The following GMDS variants were observed in gnomAD, a reference collection of about 807,000 sequenced individuals.
GMDS encodes GDP-mannose 4,6 dehydratase.
A neutral mutation model predicts 49.9 loss-of-function variants in GMDS; 20 were observed. That is an observed-to-expected ratio of 0.40 (90% CI 0.28 to 0.58). The LOEUF (loss-of-function observed/expected upper bound fraction) is 0.58. Among genes scored for constraint, GMDS ranks in the 20% least tolerant of loss-of-function variants. GMDS has a pLI of 0.42. For synonymous variants in GMDS, 177 were observed against 178.6 expected (o/e 0.99, Z 0.07); for missense variants, 362 against 481.4 (o/e 0.75, Z 2.32).
At chr6:1,846,033 G>C in intron 7 of GMDS, among the ~76,000 whole-genome samples, 1 of 150,596 alleles carries the variant, frequency 6.6e-6, no homozygotes, top group Non-Finnish European at 1.5e-5. Flanking sequence ...TGGTCTTTTT[G>C]ATAATATTAG....
chr6:2,152,609 T>G (rs545025005), intron 1 of GMDS, among the ~76,000 whole-genome samples: 7 of 152,188 alleles, frequency 4.6e-5, no homozygotes, highest in African/African-American at 1.7e-4. Context: ...CAGAAAATAT[T>G]TTTAAATATT....
At chr6:2,075,174 T>A (rs1772256161) in intron 4 of GMDS, among the ~76,000 whole-genome samples, 1 of 152,174 alleles carries the variant, frequency 6.6e-6, no homozygotes, top group South Asian at 2.1e-4. Flanking sequence ...CTGTGAGAAA[T>A]GACATTGCTA....
intron 4 of GMDS, among the ~76,000 whole-genome samples, chr6:2,098,807 A>C (rs1038076931): frequency 6.6e-6 from 1 of 152,192 alleles, no homozygotes; most frequent in African/African-American, 2.4e-5. Flanking sequence ...AATCTATGCT[A>C]GCTATAAATC....
chr6:1,790,841 G>A (rs1176019390), intron 7 of GMDS, among the ~76,000 whole-genome samples: 1 of 152,176 alleles, frequency 6.6e-6, no homozygotes, highest in Non-Finnish European at 1.5e-5. Flanking sequence ...GCTGAGTAAT[G>A]CCTCCCAAAG....
chr6:1,679,019 A>C (rs890418480), intron 9 of GMDS, among the ~76,000 whole-genome samples: 9 of 152,244 alleles, frequency 5.9e-5, no homozygotes, highest in African/African-American at 2.2e-4. Context: ...GACACTAGAC[A>C]AAACTGCTTC....
intron 1 of GMDS, among the ~76,000 whole-genome samples, chr6:2,141,497 C>T (rs1309312269): frequency 5.3e-5 from 8 of 152,218 alleles, no homozygotes; most frequent in Non-Finnish European, 1.0e-4. Flanking sequence ...CCCACCAGAA[C>T]GTATCCCAGC....
intron 1 of GMDS, among the ~76,000 whole-genome samples, chr6:2,164,593 G>C (rs899794541): frequency 3.9e-5 from 6 of 152,172 alleles, no homozygotes; most frequent in African/African-American, 1.4e-4. Flanking sequence ...GATATCCCCA[G>C]CTTCATCAGG....
At chr6:1,651,083 G>A (rs1763639841) in intron 9 of GMDS, among the ~76,000 whole-genome samples, 1 of 152,208 alleles carries the variant, frequency 6.6e-6, no homozygotes. Flanking sequence ...GGAAAATTAG[G>A]CTTGTCCTGA....
intron 7 of GMDS, among the ~76,000 whole-genome samples, chr6:1,795,572 A>T (rs1769706872): frequency 6.6e-6 from 1 of 152,132 alleles, no homozygotes; most frequent in African/African-American, 2.4e-5. Context: ...TGAATGAAAC[A>T]TTACAGATTT....
chr6:1,990,964 T>C (rs930393493), intron 4 of GMDS, among the ~76,000 whole-genome samples: 1 of 152,202 alleles, frequency 6.6e-6, no homozygotes, highest in Non-Finnish European at 1.5e-5. Context: ...CTTGTGGATG[T>C]TAATATTAGT....
At chr6:1,671,444 C>T (rs1764418659) in intron 9 of GMDS, among the ~76,000 whole-genome samples, 1 of 152,100 alleles carries the variant, frequency 6.6e-6, no homozygotes, top group Non-Finnish European at 1.5e-5. Flanking sequence ...CACCCCCACG[C>T]ACCCCACCAC....
At chr6:1,821,103 T>C (rs951710288) in intron 7 of GMDS, among the ~76,000 whole-genome samples, 4 of 152,278 alleles carry the variant, frequency 2.6e-5, no homozygotes. Context: ...CAATTATAGC[T>C]ATCCCAGAGT....
chr6:1,650,741 A>ACT (rs1554103968), intron 9 of GMDS, among the ~76,000 whole-genome samples: 4 of 150,696 alleles, frequency 2.7e-5, no homozygotes, highest in Non-Finnish European at 5.9e-5. Context: ...TGCCTGGCTA[A>ACT]TTTTTTTTTG....
Position 2,112,743 on chromosome 6 carries a change from G to A in GMDS, c.345+3028C>T, listed in dbSNP as rs374989899. 1.4e-4 allele frequency among the ~76,000 whole-genome samples: 22 copies of A among 152,092 alleles called. No individual in the cohort carries two copies. The East Asian group carries it at 1.9e-3, about 13-fold the overall frequency. On this transcript the variant is annotated intron_variant, in intron 4 of 10. Coordinates refer to ENST00000380815, the MANE Select transcript of GMDS (RefSeq NM_001500.4). ...TTTCTTTAAAACGTCACAAATCCTC[G>A]CTGGCCTAACTGGCAAGGCCGGTGA...
intron 6 of GMDS, among the ~76,000 whole-genome samples, chr6:1,944,853 T>C (rs1762999844): frequency 6.6e-6 from 1 of 152,176 alleles, no homozygotes; most frequent in East Asian, 1.9e-4. Context: ...TGCAATCATG[T>C]CTCCTTCCAC....
At chr6:1,865,229 T>A (rs1408899887) in intron 7 of GMDS, among the ~76,000 whole-genome samples, 3 of 152,224 alleles carry the variant, frequency 2.0e-5, no homozygotes, top group Non-Finnish European at 4.4e-5. Flanking sequence ...TCCTTAATTA[T>A]AGAACCTTGT....
intron 4 of GMDS, among the ~76,000 whole-genome samples, chr6:2,112,421 A>G (rs1380915912): frequency 6.6e-6 from 1 of 152,176 alleles, no homozygotes; most frequent in African/African-American, 2.4e-5. Flanking sequence ...AAGAAACCTG[A>G]AACACTAGAA....
At chr6:1,856,410 C>A (rs1365767815) in intron 7 of GMDS, among the ~76,000 whole-genome samples, 1 of 152,218 alleles carries the variant, frequency 6.6e-6, no homozygotes, top group Non-Finnish European at 1.5e-5. Context: ...GAAAACTCCT[C>A]CTGGCCCTGA....
chr6:1,966,101 A>C (rs6596861), intron 4 of GMDS, among the ~76,000 whole-genome samples: 4,668 of 152,244 alleles, frequency 0.031, 241 homozygotes, highest in African/African-American at 0.11. Flanking sequence ...ATTTCCCATG[A>C]AGCAGAAAAT....
Sources: allele counts gnomAD v4.1 joint callset (sites outside exome capture counted in the v4.1 genomes callset), GRCh38; gene constraint gnomAD v4.1.1; transcripts MANE v1.5; gene names NCBI Gene and HGNC (gene_info 2026-07-23, HGNC 2026-07-21).